HDAC9: variants seen among roughly 807,000 people sequenced by gnomAD.
HDAC9 encodes histone deacetylase 9, also known as MEF-2 interacting transcription repressor (MITR) protein.
A neutral mutation model predicts 139.4 loss-of-function variants in HDAC9; 41 were observed. The ratio of observed to expected loss-of-function variants is 0.29; its 90% CI spans 0.23 to 0.38. The LOEUF is 0.38. Among genes scored for constraint, HDAC9 ranks in the 10% least tolerant of loss-of-function variants. The pLI is 1.00. For missense variants in HDAC9, 1,147 were observed against 1,297.0 expected, an observed-to-expected ratio of 0.88 and a Z score of 1.78; for synonymous variants, 517 against 476.2, an observed-to-expected ratio of 1.09 and a Z score of -1.12.
chr7:18,629,315 T>C, intron 6 of HDAC9, 35 bp from the exon 7 acceptor site: 1 of 1,504,004 alleles, frequency 6.6e-7, no homozygotes, highest in Non-Finnish European at 8.8e-7. Context: ...TTTTTTAATT[T>C]TTATCTATTT....
At chr7:18,818,975 T>C (rs1227764170) in intron 17 of HDAC9, among the ~76,000 whole-genome samples, 6 of 151,960 alleles carry the variant, frequency 3.9e-5, no homozygotes, top group Non-Finnish European at 8.8e-5. Flanking sequence ...TTAGTTTATA[T>C]GAAATTAAAA....
intron 2 of HDAC9, among the ~76,000 whole-genome samples, chr7:18,504,259 A>T (rs140694996): frequency 4.4e-4 from 66 of 151,328 alleles, no homozygotes; most frequent in African/African-American, 1.5e-3. Context: ...TTTCTGTCAT[A>T]CTCCTCTCTG....
At chr7:18,162,430 A>G in intron 2 of HDAC9, 3 of 1,340,460 alleles carry the variant, frequency 2.2e-6, no homozygotes, top group Non-Finnish European at 3.0e-6. Flanking sequence ...CAAGTAATTT[A>G]ATTTATGAAG....
chr7:18,416,305 A>AG (rs1304036725), intron 1 of HDAC9, among the ~76,000 whole-genome samples: 1 of 152,138 alleles, frequency 6.6e-6, no homozygotes, highest in Non-Finnish European at 1.5e-5. Flanking sequence ...TCAAAAAAAA[A>AG]CAAAAAACAA....
chr7:18,452,104 A>G (rs149716222), intron 1 of HDAC9, among the ~76,000 whole-genome samples: 1 of 152,264 alleles, frequency 6.6e-6, no homozygotes, highest in East Asian at 1.9e-4. Context: ...TTGAGATGCT[A>G]GCCAGGGCAG....
At chr7:18,918,495 A>T (rs1803408912) in intron 22 of HDAC9, among the ~76,000 whole-genome samples, 2 of 152,044 alleles carry the variant, frequency 1.3e-5, no homozygotes, top group Non-Finnish European at 1.5e-5. Context: ...TATAGCTTTT[A>T]TTACTCAGGT....
chr7:18,872,063 C>A (rs1195860750), intron 21 of HDAC9, among the ~76,000 whole-genome samples: 4 of 152,264 alleles, frequency 2.6e-5, no homozygotes, highest in Non-Finnish European at 4.4e-5. Context: ...GGAAAACACA[C>A]AGCATGCATT....
chr7:18,568,026 G>GTATATATATATATATATATATATATA (rs36203178), intron 2 of HDAC9, among the ~76,000 whole-genome samples: 12 of 126,818 alleles, frequency 9.5e-5, no homozygotes, highest in South Asian at 4.9e-4. Context: ...ATATGTATAT[G>GTATATATATATATATATATATATATA]TATATATATA....
chr7:18,153,634 A>C (rs541173982), intron 1 of HDAC9, among the ~76,000 whole-genome samples: 1 of 152,264 alleles, frequency 6.6e-6, no homozygotes, highest in South Asian at 2.1e-4. Flanking sequence ...TTACTTGAGC[A>C]TGGAAACTTG....
chr7:18,653,648 T>TAAATGTGAGGTC (rs1790099435), intron 11 of HDAC9, among the ~76,000 whole-genome samples: 1 of 152,148 alleles, frequency 6.6e-6, no homozygotes, highest in Non-Finnish European at 1.5e-5. Context: ...ACAAGACCAG[T>TAAATGTGAGGTC]AAATGTGAGG....
At chr7:18,791,701 C>G (rs1200741321) in intron 16 of HDAC9, among the ~76,000 whole-genome samples, 2 of 152,122 alleles carry the variant, frequency 1.3e-5, no homozygotes, top group Admixed American at 1.3e-4. Flanking sequence ...GGTCAGAGTT[C>G]TGTGTGAGAG....
At chr7:18,168,621 T>C (rs1788165056) in intron 2 of HDAC9, among the ~76,000 whole-genome samples, 1 of 151,912 alleles carries the variant, frequency 6.6e-6, no homozygotes. Flanking sequence ...GTTGCAGTAC[T>C]ATAATAACTC....
intron 22 of HDAC9, among the ~76,000 whole-genome samples, chr7:18,918,638 T>G (rs1057443499): frequency 1.3e-5 from 2 of 152,018 alleles, no homozygotes; most frequent in Non-Finnish European, 2.9e-5. Context: ...ACTAAAAGAT[T>G]AATATACTCT....
intron 2 of HDAC9, among the ~76,000 whole-genome samples, chr7:18,510,485 T>C (rs1161505647): frequency 1.3e-5 from 2 of 152,168 alleles, no homozygotes; most frequent in Non-Finnish European, 2.9e-5. Flanking sequence ...CCTATGTTTT[T>C]ATGTAGAGAC....
At chr7:18,979,329 T>C (rs717983) in intron 25 of HDAC9, among the ~76,000 whole-genome samples, 31,543 of 152,026 alleles carry the variant, frequency 0.21, 3,585 homozygotes, top group Middle Eastern at 0.31. Flanking sequence ...TATAGAAATA[T>C]AGACCATTAT....
intron 21 of HDAC9, among the ~76,000 whole-genome samples, chr7:18,864,176 A>G (rs948653109): frequency 6.6e-6 from 1 of 152,208 alleles, no homozygotes; most frequent in Non-Finnish European, 1.5e-5. Context: ...TGGTATATAG[A>G]TACAATAGAA....
At chr7:18,811,563 T>C (rs147130444) in intron 17 of HDAC9, among the ~76,000 whole-genome samples, 1 of 151,856 alleles carries the variant, frequency 6.6e-6, no homozygotes, top group Admixed American at 6.6e-5. Flanking sequence ...AATTGATACA[T>C]AATTTAATTC....
At chr7:18,188,134 C>T (rs1441384575) in intron 2 of HDAC9, among the ~76,000 whole-genome samples, 13 of 152,152 alleles carry the variant, frequency 8.5e-5, no homozygotes, top group African/African-American at 3.1e-4. Flanking sequence ...CAGCATGGTA[C>T]TGGTACCAAG....
At chr7:18,799,277 GAAC>G (rs923789885) in intron 17 of HDAC9, among the ~76,000 whole-genome samples, 10 of 152,022 alleles carry the variant, frequency 6.6e-5, no homozygotes, top group African/African-American at 1.9e-4. Context: ...TAACAAAAAG[GAAC>G]AACAACAAAT....
Sources: gnomAD v4.1 joint callset for allele counts (sites outside exome capture counted in the v4.1 genomes callset) on GRCh38, gnomAD v4.1.1 for gene constraint, MANE v1.5 for transcripts, NCBI Gene and HGNC (gene_info 2026-07-23, HGNC 2026-07-21) for gene names.